The following SIGLEC5 variants were observed in gnomAD, a reference collection of about 807,000 sequenced individuals.
SIGLEC5 encodes sialic acid-binding Ig-like lectin 5.
Under a neutral mutation model 45.9 loss-of-function variants are expected in SIGLEC5, and 34 were observed. That is an observed-to-expected ratio of 0.74 (90% confidence interval 0.56 to 0.99). The LOEUF is 0.99. Among genes scored for constraint, SIGLEC5 ranks in the 50% least tolerant of loss-of-function variants. SIGLEC5 has a pLI of 0.00. For synonymous variants in SIGLEC5, 203 were observed against 258.6 expected, an observed-to-expected ratio of 0.79 and a Z score of 2.06; for missense variants, 508 against 629.6, an observed-to-expected ratio of 0.81 and a Z score of 2.07.
At chr19:51,615,185 AC>A (rs1983009181) in intron 8 of SIGLEC5, among the ~76,000 whole-genome samples, 2 of 152,218 alleles carry the variant, frequency 1.3e-5, no homozygotes, top group Non-Finnish European at 2.9e-5. Context: ...GAATTCATAC[AC>A]CGGCTCTGTT....
intron 8 of SIGLEC5, among the ~76,000 whole-genome samples, chr19:51,625,257 G>A (rs1361241554): frequency 6.6e-6 from 1 of 152,230 alleles, no homozygotes; most frequent in East Asian, 1.9e-4. Flanking sequence ...GAAGGCCAGC[G>A]TGGCCAGGCC....
rs1243971829 is a variant in SIGLEC5 at position 51,616,911 on chromosome 19, AAAAAAAAC to A, written c.1465-4497_1465-4490del. Among the ~76,000 whole-genome samples the A allele has an allele frequency of 2.3e-4, 33 of 141,734 alleles. 1 individual carries two copies. The highest frequency in any genetic ancestry group is 3.9e-4 in the African/African-American group (15 of 38,400). 93.0% of individuals were successfully genotyped at this position (141,734 alleles called of 152,430 possible). Reference sequence around the variant, plus strand: ...GGGCAACAGAGTGAGACTGTCAAAAAAAAAAAACAAAAAAAAAAAACACTTGAACATTT... The same window carrying A: ...GGGCAACAGAGTGAGACTGTCAAAAAAAAAAAAAAAAACACTTGAACATTT... On this transcript the variant is annotated intron_variant, in intron 8 of 8. Coordinates refer to ENST00000683636, the MANE Select transcript of SIGLEC5 (RefSeq NM_003830.4).
chr19:51,626,500 G>A (rs186270978), intron 7 of SIGLEC5, among the ~76,000 whole-genome samples: 3 of 152,318 alleles, frequency 2.0e-5, no homozygotes, highest in African/African-American at 7.2e-5. Context: ...AAGTATCGAT[G>A]CATGCTACAA....
chr19:51,622,267 G>T (rs988640932), intron 8 of SIGLEC5, among the ~76,000 whole-genome samples: 12 of 151,640 alleles, frequency 7.9e-5, no homozygotes, highest in African/African-American at 2.9e-4. Flanking sequence ...GAGTAGCTGG[G>T]ACTACAGGTG....
chr19:51,622,454 T>G (rs1160957403), intron 8 of SIGLEC5, among the ~76,000 whole-genome samples: 1 of 137,420 alleles, frequency 7.3e-6, no homozygotes, highest in Non-Finnish European at 1.6e-5. Context: ...AACCTGATTC[T>G]AACATTAAAG....
At position 51,628,157 on chromosome 19, in the gene SIGLEC5, C is replaced by T. The variant is rs985050233; in HGVS notation, c.740-66G>A. On this transcript the variant is annotated intron_variant, in intron 4 of 8. Coordinates refer to ENST00000683636, the MANE Select transcript of SIGLEC5 (RefSeq NM_003830.4). ...GGAGGCTGACAGTCCCTATCCTTCC[C>T]TCCTTCCCAGGATCCAGATGACATC... The T allele has an allele frequency of 7.6e-6, 11 of 1,454,328 alleles. No individual in the cohort carries two copies. In the African/African-American group the frequency reaches 1.3e-4, roughly 17 times the overall value. The allele number at this position is 1,454,328 out of a possible 1,614,324, so 90.1% of individuals were successfully genotyped here. A position where few individuals can be genotyped will look rare whatever the true frequency, so the allele number is the denominator to read the frequency against.
At position 51,627,833 on chromosome 19, in the gene SIGLEC5, C is replaced by A; in HGVS notation, c.997+1G>T. The stretch of plus-strand genomic sequence containing the variant: ...CCTGCTCCAGCTGCCCCCACACTCA[C>A]AGTAAACTGAGAGATTCAGAAAAAT... On this transcript the variant is annotated splice_donor_variant, in intron 5 of 8. Transcript: ENST00000683636. LOFTEE classifies it high-confidence loss of function. 1.9e-6 allele frequency: 3 copies of A among 1,598,942 alleles called. No homozygotes were observed. The highest frequency in any genetic ancestry group is 1.7e-6 in the Non-Finnish European group (2 of 1,172,076).
intron 8 of SIGLEC5, among the ~76,000 whole-genome samples, chr19:51,615,964 C>T (rs1188290206): frequency 6.6e-6 from 1 of 152,150 alleles, no homozygotes; most frequent in Admixed American, 6.5e-5. Flanking sequence ...TTAGTAGAGA[C>T]GGAGTTTCTC....
In SIGLEC5 at chr19:51,627,597, C is replaced by G. The variant is rs147941959; in HGVS notation, c.1147G>C (p.Val383Leu). The G allele has an allele frequency of 6.2e-7, 1 of 1,613,816 alleles. No homozygotes were observed. The highest frequency in any genetic ancestry group is 1.3e-5 in the African/African-American group (1 of 74,920). The change falls in exon 6 of 9, where the codon GTC (valine) becomes CTC (leucine). Residue 383 changes from valine to leucine, a missense_variant. By Grantham distance (32) the Val-to-Leu change is conservative. This residue lies in a region of SIGLEC5 where 431 missense variants were observed against 428.8 expected (regional missense o/e 1.01). Coordinates refer to ENST00000683636, the MANE Select transcript of SIGLEC5 (RefSeq NM_003830.4). Reference protein sequence around the residue: ...EGNSSQGSFKVNSSSAGPWAN... With the variant: ...EGNSSQGSFKLNSSSAGPWAN... ...CAGGGCCCAGCTGAGCTGGAGTTGA[C>G]CTTGAATGAGCCCTGGCTGCTGTTC...
At chr19:51,621,771 T>G (rs984703533) in intron 8 of SIGLEC5, 1 of 151,950 alleles carries the variant, frequency 6.6e-6, no homozygotes, top group Admixed American at 6.5e-5. Context: ...ACTTGTGATT[T>G]TTTTTAATTA....
rs1333986987 is a variant in SIGLEC5, at chr19:51,627,203, C to T, written c.1328G>A (p.Gly443Asp). ...GTGVVPAALG[G>D]AGVMALLCIC... ...ACAGAGCAGGGCCATGACACCAGCA[C>T]CACCAAGGGCTGCAGGAACCACTCC... The change falls in exon 7 of 9, where the codon GGT becomes GAT. Residue 443 changes from glycine (G) to aspartate (D), a missense_variant. Gly to Asp is a moderately conservative substitution (Grantham distance 94). Transcript: ENST00000683636. 6.2e-6 allele frequency: 10 copies of T among 1,614,056 alleles called. No homozygotes were observed. The East Asian group carries it at 2.2e-4, about 36-fold the overall frequency.
At chr19:51,614,066 C>T (rs1272314577) in intron 8 of SIGLEC5, among the ~76,000 whole-genome samples, 2 of 152,158 alleles carry the variant, frequency 1.3e-5, no homozygotes, top group Non-Finnish European at 1.5e-5. Flanking sequence ...AATTTCTTTC[C>T]TCTCCCACCT....
At chr19:51,626,200 T>C (rs530736216) in intron 7 of SIGLEC5, 87 bp from the exon 8 acceptor site, 2 of 1,094,136 alleles carry the variant, frequency 1.8e-6, no homozygotes, top group East Asian at 4.8e-5. Flanking sequence ...ATGGTGAAAA[T>C]GACAATGAAG....
chr19:51,628,749 CAT>C (rs1491402753), intron 4 of SIGLEC5, among the ~76,000 whole-genome samples: 1 of 137,204 alleles, frequency 7.3e-6, no homozygotes, highest in Non-Finnish European at 1.6e-5. Context: ...TGCCTGTGTG[CAT>C]GTGTGTGTGT....
At position 51,629,787 on chromosome 19, in the gene SIGLEC5, G is replaced by T; in HGVS notation, c.421+46C>A. The T allele has an allele frequency of 1.5e-6, 2 of 1,307,614 alleles. 1 individual carries two copies. The highest frequency in any genetic ancestry group is 2.2e-6 in the Non-Finnish European group (2 of 922,558). The allele number at this position is 1,307,614 out of a possible 1,614,324, so 81.0% of individuals were successfully genotyped here. ...CCAACTCCTGTCCCTGTTCTCATACGGGGGTCTCCACGTCCCAGGGTCCTC... is the reference window on the plus strand; with the variant it reads ...CCAACTCCTGTCCCTGTTCTCATACTGGGGTCTCCACGTCCCAGGGTCCTC... On this transcript the variant is annotated intron_variant, in intron 2 of 8. Transcript: ENST00000683636.
intron 4 of SIGLEC5, 75 bp from the exon 5 acceptor site, chr19:51,628,166 A>G: frequency 6.9e-7 from 1 of 1,441,296 alleles, no homozygotes; most frequent in East Asian, 2.5e-5. Context: ...CCTCCTTCCC[A>G]GGATCCAGAT....
rs180870189 is a variant in SIGLEC5, at chr19:51,617,501, C to T, written c.1465-5079G>A. ...TACAAATATGTGAGATTAAGAATGA[C>T]GTAAGATGTCTTAACAGCAATACTA... On this transcript the variant is annotated intron_variant, in intron 8 of 8. Transcript: ENST00000683636. 1.7e-3 allele frequency among the ~76,000 whole-genome samples: 251 copies of T among 152,092 alleles called. 1 individual carries two copies. The highest frequency in any genetic ancestry group is 2.4e-3 in the Non-Finnish European group (162 of 68,000).
At chr19:51,628,784 T>G (rs549667657) in intron 4 of SIGLEC5, among the ~76,000 whole-genome samples, 17 of 142,644 alleles carry the variant, frequency 1.2e-4, no homozygotes, top group Admixed American at 2.8e-4. Context: ...GTGTGGTGTA[T>G]TGCATGTGTA....
At position 51,627,241 on chromosome 19, in the gene SIGLEC5, C is replaced by T. The variant is rs1228507057; in HGVS notation, c.1290G>A (p.Ser430=). 1 of 1,613,838 alleles carries T rather than the reference C, an allele frequency of 6.2e-7. No homozygotes were observed. The highest frequency in any genetic ancestry group is 8.5e-7 in the Non-Finnish European group (1 of 1,179,888). Residue 430 remains serine (S), a synonymous_variant, in exon 7 of 9, where the codon TCG becomes TCA. Coordinates refer to ENST00000683636, the MANE Select transcript of SIGLEC5 (RefSeq NM_003830.4). ...SGSVLLLQGR[S]NLGTGVVPAA... ...CAGGAACCACTCCTGTCCCGAGGTT[C>T]GATCTCCCTGCAGAAAAGAGGGGCG...
Sources: allele counts gnomAD v4.1 joint callset (sites outside exome capture counted in the v4.1 genomes callset), GRCh38; gene constraint gnomAD v4.1.1; regional missense constraint gnomAD v4.1.1; transcripts MANE v1.5; gene names NCBI Gene and HGNC (gene_info 2026-07-23, HGNC 2026-07-21).